SAMTOR: variants seen among roughly 807,000 people sequenced by gnomAD.
The protein encoded by SAMTOR is S-adenosylmethionine sensor upstream of mTORC1, also known as UPF0532 protein C7orf60.
chr7:112,829,875 G>C, the SAMTOR span, among the ~76,000 whole-genome samples: 1 of 152,136 alleles, frequency 6.6e-6, no homozygotes. Context: ...TTCTCTGTGT[G>C]ACTGCTGGCC....
chr7:112,939,462 C>G, the SAMTOR span: 1 of 1,422,100 alleles, frequency 7.0e-7, no homozygotes, highest in African/African-American at 1.4e-5. Flanking sequence ...CCCGGGAGAG[C>G]AGCAGCGGCT....
the SAMTOR span, among the ~76,000 whole-genome samples, chr7:112,830,157 A>C: frequency 6.6e-6 from 1 of 152,116 alleles, no homozygotes. Flanking sequence ...TATATCCTGG[A>C]AACTCTCTCA....
chr7:112,861,993 C>T, the SAMTOR span, among the ~76,000 whole-genome samples: 13 of 152,204 alleles, frequency 8.5e-5, no homozygotes, highest in Admixed American at 2.0e-4. Context: ...GCGGCTCAGG[C>T]CTTTAATCCA....
At chr7:112,888,629 A>T in the SAMTOR span, among the ~76,000 whole-genome samples, 3 of 152,176 alleles carry the variant, frequency 2.0e-5, no homozygotes, top group African/African-American at 7.2e-5. Flanking sequence ...ATGAAATCTA[A>T]GTGCAAAAAA....
the SAMTOR span, among the ~76,000 whole-genome samples, chr7:112,888,470 C>T: frequency 6.6e-6 from 1 of 152,086 alleles, no homozygotes; most frequent in African/African-American, 2.4e-5. Context: ...AGACACACAG[C>T]TTTCCTAGTG....
chr7:112,920,615 G>A, the SAMTOR span, among the ~76,000 whole-genome samples: 1 of 147,346 alleles, frequency 6.8e-6, no homozygotes, highest in Non-Finnish European at 1.5e-5. Flanking sequence ...TTAGGCAGGA[G>A]AAGGAAATAA....
the SAMTOR span, among the ~76,000 whole-genome samples, chr7:112,857,214 C>T: frequency 6.7e-6 from 1 of 150,370 alleles, no homozygotes; most frequent in African/African-American, 2.5e-5. Flanking sequence ...GCCTCAGCCT[C>T]CCGAGTAGCT....
chr7:112,827,846 A>T, the SAMTOR span, among the ~76,000 whole-genome samples: 5 of 151,990 alleles, frequency 3.3e-5, no homozygotes, highest in Admixed American at 1.3e-4. Flanking sequence ...CTGTCTCCTG[A>T]GCAGCTGGGA....
the SAMTOR span, among the ~76,000 whole-genome samples, chr7:112,902,449 C>CAAAAAAAAAAAAAA: frequency 1.8e-5 from 1 of 54,936 alleles, no homozygotes; most frequent in Non-Finnish European, 3.3e-5. Flanking sequence ...CAAAAAAAAA[C>CAAAAAAAAAAAAAA]AAAAAAAAAA....
the SAMTOR span, among the ~76,000 whole-genome samples, chr7:112,837,511 T>G: frequency 2.6e-5 from 4 of 152,044 alleles, no homozygotes; most frequent in Admixed American, 2.6e-4. Flanking sequence ...CACAAATCCA[T>G]GTGGAATTTT....
chr7:112,920,655 A>T, the SAMTOR span, among the ~76,000 whole-genome samples: 1 of 144,772 alleles, frequency 6.9e-6, no homozygotes, highest in African/African-American at 2.6e-5. Context: ...AGAGGAAGTC[A>T]AATTGTCCCT....
chr7:112,897,674 A>G, the SAMTOR span, among the ~76,000 whole-genome samples: 1 of 152,336 alleles, frequency 6.6e-6, no homozygotes, highest in East Asian at 1.9e-4. Context: ...TTATTGAAAA[A>G]ATAAAAATCT....
chr7:112,854,102 C>T, the SAMTOR span, among the ~76,000 whole-genome samples: 1 of 152,022 alleles, frequency 6.6e-6, no homozygotes, highest in Non-Finnish European at 1.5e-5. Flanking sequence ...GACATAAAAT[C>T]ATTAGTTCCT....
the SAMTOR span, among the ~76,000 whole-genome samples, chr7:112,890,161 T>C: frequency 6.6e-6 from 1 of 152,096 alleles, no homozygotes; most frequent in African/African-American, 2.4e-5. Flanking sequence ...CAAGAGGGCC[T>C]AGAAGAAAGT....
the SAMTOR span, among the ~76,000 whole-genome samples, chr7:112,901,594 C>A: frequency 1.3e-5 from 2 of 152,234 alleles, no homozygotes; most frequent in Non-Finnish European, 2.9e-5. Context: ...CCTGCTTCCA[C>A]TCCAGTCAAT....
the SAMTOR span, among the ~76,000 whole-genome samples, chr7:112,926,242 G>C: frequency 6.6e-6 from 1 of 152,174 alleles, no homozygotes; most frequent in African/African-American, 2.4e-5. Flanking sequence ...GGTGTGCTAT[G>C]TGAGGCAACA....
At chr7:112,925,697 G>A in the SAMTOR span, among the ~76,000 whole-genome samples, 1 of 151,826 alleles carries the variant, frequency 6.6e-6, no homozygotes, top group African/African-American at 2.4e-5. Context: ...GGGAGGCTGA[G>A]GCAGGAGAAT....
chr7:112,898,724 C>G, the SAMTOR span, among the ~76,000 whole-genome samples: 1 of 152,216 alleles, frequency 6.6e-6, no homozygotes, highest in Non-Finnish European at 1.5e-5. Context: ...TCTTCCCCAA[C>G]TCTGGTCAGA....
At chr7:112,874,734 T>TA in the SAMTOR span, among the ~76,000 whole-genome samples, 1 of 149,188 alleles carries the variant, frequency 6.7e-6, no homozygotes, top group Non-Finnish European at 1.5e-5. Flanking sequence ...TCTTGATGTT[T>TA]AAAAAAACCT....
Sources: gnomAD v4.1 joint callset for allele counts (sites outside exome capture counted in the v4.1 genomes callset) on GRCh38, gnomAD v4.1.1 for gene constraint, MANE v1.5 for transcripts, NCBI Gene and HGNC (gene_info 2026-07-23, HGNC 2026-07-21) for gene names.